YARS1: variants seen among roughly 807,000 people sequenced by gnomAD.
The protein encoded by YARS1 is tyrosine--tRNA ligase, cytoplasmic.
A neutral mutation model predicts 62.2 loss-of-function variants in YARS1; 36 were observed. That is an observed-to-expected ratio of 0.58 (90% confidence interval 0.44 to 0.76). The LOEUF is 0.76. Ranked by LOEUF, YARS1 falls within the 30% of genes least tolerant of loss-of-function variation. YARS1 has a pLI of 0.00. For synonymous variants in YARS1, 234 were observed against 244.9 expected, an observed-to-expected ratio of 0.96 and a Z score of 0.42; for missense variants, 524 against 639.8, an observed-to-expected ratio of 0.82 and a Z score of 1.95.
rs145242872 is a variant in YARS1 at position 32,776,065 on chromosome 1, G to A, written c.1503C>T (p.Cys501=). ...AGTTGGTTTGCTTCCACTGTGCGAT[G>A]CACTCCTCAGAAATTTTGAAGTCAG... ...LQADFKISEE[C]IAQWKQTNFM... Residue 501 remains cysteine (C), a synonymous_variant, in exon 13 of 13, where the codon TGC becomes TGT. Coordinates refer to ENST00000373477, the MANE Select transcript of YARS1 (RefSeq NM_003680.4). The surrounding 1 kb of genome is among the most constrained non-coding windows in gnomAD (Gnocchi z 4.0). The A allele has an allele frequency of 5.6e-6, 9 of 1,613,966 alleles. No homozygotes were observed. Among genetic ancestry groups the A allele is most frequent in the Non-Finnish European group, 7.6e-6 (9 of 1,180,014 alleles).
At chr1:32,815,865 T>TG (rs1487122882) in intron 1 of YARS1, among the ~76,000 whole-genome samples, 12 of 152,112 alleles carry the variant, frequency 7.9e-5, no homozygotes, top group African/African-American at 1.4e-4. Context: ...ATCCCAGCAC[T>TG]CTGGGAGGCC....
intron 4 of YARS1, among the ~76,000 whole-genome samples, chr1:32,805,684 G>A (rs1030601144): frequency 2.0e-5 from 3 of 151,190 alleles, no homozygotes; most frequent in East Asian, 1.9e-4. Context: ...ATGTGCGGCC[G>A]GGCACGGTAG....
chr1:32,776,836 G>GA lies in YARS1; in HGVS notation c.1477-746_1477-745insT, dbSNP rs1384376582. Reference sequence around the variant, plus strand: ...AAAAAATTAGCCGGGTGTGGTGGTGGGGCGCCTGTAGTCCCAGCTACTCAG... The same window carrying GA: ...AAAAAATTAGCCGGGTGTGGTGGTGGAGGCGCCTGTAGTCCCAGCTACTCAG... On this transcript the variant is annotated intron_variant, in intron 12 of 12. Transcript: ENST00000373477. The surrounding 1 kb of genome is among the most constrained non-coding windows in gnomAD (Gnocchi z 4.0). Among the ~76,000 whole-genome samples the GA allele has an allele frequency of 6.6e-6, 1 of 151,860 alleles. No individual in the cohort carries two copies. Among genetic ancestry groups the GA allele is most frequent in the African/African-American group, 2.4e-5 (1 of 41,390 alleles).
chr1:32,779,661 CTCT>C, intron 11 of YARS1, 138 bp from the exon 12 acceptor site: 1 of 1,119,752 alleles, frequency 8.9e-7, no homozygotes, highest in Non-Finnish European at 1.3e-6. Flanking sequence ...CCAGGAGGTC[CTCT>C]TATCTTGCTA....
intron 4 of YARS1, among the ~76,000 whole-genome samples, chr1:32,801,934 TGTTA>T (rs1638304432): frequency 6.7e-6 from 1 of 149,482 alleles, no homozygotes; most frequent in Non-Finnish European, 1.5e-5. Flanking sequence ...GTAGTTCTCT[TGTTA>T]TTTCTTTTTT....
intron 6 of YARS1, among the ~76,000 whole-genome samples, chr1:32,787,286 T>A (rs785416): frequency 4.6e-5 from 7 of 152,112 alleles, no homozygotes. Flanking sequence ...TGTGTCACCA[T>A]GCCCAGGTAA....
At chr1:32,796,658 T>A (rs1236691511) in intron 5 of YARS1, among the ~76,000 whole-genome samples, 2 of 151,786 alleles carry the variant, frequency 1.3e-5, no homozygotes, top group African/African-American at 4.8e-5. Context: ...CCACAGTGCC[T>A]GGCCCTCAAA....
At chr1:32,810,332 C>T (rs1569776726) in intron 3 of YARS1, among the ~76,000 whole-genome samples, 1 of 152,156 alleles carries the variant, frequency 6.6e-6, no homozygotes, top group African/African-American at 2.4e-5. Flanking sequence ...GCTGTGAGTT[C>T]TGCAAGGCCA....
Position 32,775,967 on chromosome 1 carries a change from A to C in YARS1, c.*14T>G, listed in dbSNP as rs1188754782. On this transcript the variant is annotated 3_prime_UTR_variant, in exon 13 of 13. Coordinates refer to ENST00000373477, the MANE Select transcript of YARS1 (RefSeq NM_003680.4). Reference sequence around the variant, plus strand: ...GACTCAGTGGTGGAAGAAGGGGGGAAGATGCTGGGCTGGCTAGCTAATGTT... The same window carrying C: ...GACTCAGTGGTGGAAGAAGGGGGGACGATGCTGGGCTGGCTAGCTAATGTT... The C allele has an allele frequency of 6.2e-7, 1 of 1,601,840 alleles. No individual in the cohort carries two copies. Among genetic ancestry groups the C allele is most frequent in the Non-Finnish European group, 8.6e-7 (1 of 1,169,080 alleles).
Position 32,803,523 on chromosome 1 carries a change from CAA to C in YARS1, c.510+2957_510+2958del, listed in dbSNP as rs549913435. Among the ~76,000 whole-genome samples, 408 of 152,286 alleles carry C rather than the reference CAA, an allele frequency of 2.7e-3. 4 individuals are homozygous for C. The highest frequency in any genetic ancestry group is 9.0e-3 in the African/African-American group (374 of 41,564). ...AGTCACCAGCTGCATTAGCTCCTAA[CAA>C]GAGAGTCAGCCTGTCCTTTGAAGAT... On this transcript the variant is annotated intron_variant, in intron 4 of 12. Coordinates refer to ENST00000373477, the MANE Select transcript of YARS1 (RefSeq NM_003680.4).
chr1:32,777,025 C>T lies in YARS1; in HGVS notation c.1477-934G>A, dbSNP rs532505576. Among the ~76,000 whole-genome samples, 43 of 148,410 alleles carry T rather than the reference C, an allele frequency of 2.9e-4. No homozygotes were observed. In the South Asian group the frequency reaches 9.0e-3, roughly 31 times the overall value. On this transcript the variant is annotated intron_variant, in intron 12 of 12. Transcript: ENST00000373477. ...TATGGTAGAATACTATACAGTGCAA[C>T]CCCTCAATTTTTTTTTTTTTTGGGA...
At chr1:32,787,262 T>TGGGACTACA (rs1320819956) in intron 6 of YARS1, among the ~76,000 whole-genome samples, 187 bp from the exon 7 acceptor site, 1 of 152,092 alleles carries the variant, frequency 6.6e-6, no homozygotes, top group Non-Finnish European at 1.5e-5. Context: ...CCTGGAAAGC[T>TGGGACTACA]GGGACTACAG....
At chr1:32,805,617 T>C (rs1276686463) in intron 4 of YARS1, among the ~76,000 whole-genome samples, 1 of 152,190 alleles carries the variant, frequency 6.6e-6, no homozygotes, top group Non-Finnish European at 1.5e-5. Flanking sequence ...GCCTCCGCTT[T>C]TGACATTCCT....
rs569757274 is a variant in YARS1, at chr1:32,786,671, T to C, written c.821-224A>G. 4.2e-5 allele frequency: 29 copies of C among 694,830 alleles called. No individual in the cohort carries two copies. The African/African-American group carries it at 5.0e-4, about 12-fold the overall frequency. The allele number at this position is 694,830 out of a possible 1,614,324, so 43.0% of individuals were successfully genotyped here. On this transcript the variant is annotated intron_variant, in intron 7 of 12. Coordinates refer to ENST00000373477, the MANE Select transcript of YARS1 (RefSeq NM_003680.4). ...CTTGTGGCTTATATCTATTTTGTTG[T>C]ATTCCTCTAGTTCAACATGTCTGCC...
chr1:32,775,701 T>C lies in YARS1; in HGVS notation c.*280A>G, dbSNP rs1197906508. The C allele has an allele frequency of 1.9e-5, 10 of 519,408 alleles. No individual in the cohort carries two copies. Among genetic ancestry groups the C allele is most frequent in the Admixed American group, 1.6e-4 (5 of 31,298 alleles). The allele number at this position is 519,408 out of a possible 1,614,324, so 32.2% of individuals were successfully genotyped here. On this transcript the variant is annotated 3_prime_UTR_variant, in exon 13 of 13. Coordinates refer to ENST00000373477, the MANE Select transcript of YARS1 (RefSeq NM_003680.4). ...GGCATAAATTTTTAAATGAGTTATA[T>C]TGAAACCAGATTTCTCCAGCTGCCA...
rs193127040 is a variant in YARS1 at position 32,788,677 on chromosome 1, C to T, written c.685-1602G>A. 3.5e-4 allele frequency among the ~76,000 whole-genome samples: 54 copies of T among 152,184 alleles called. No individual in the cohort carries two copies. In the South Asian group the frequency reaches 8.3e-3, roughly 23 times the overall value. On this transcript the variant is annotated intron_variant, in intron 6 of 12. Coordinates refer to ENST00000373477, the MANE Select transcript of YARS1 (RefSeq NM_003680.4). ...AACTCCCGACCTTAGGTGATTCACC[C>T]GCCTTGGCCTCCCAAAGTGCTGGGA... is the stretch of plus-strand genomic sequence containing the variant.
intron 9 of YARS1, 188 bp downstream of exon 9, chr1:32,782,216 C>T: frequency 2.3e-6 from 2 of 867,314 alleles, no homozygotes; most frequent in African/African-American, 1.7e-5. Flanking sequence ...GATGTGATCA[C>T]TTCCTGATGT....
chr1:32,796,364 CTTTTT>C (rs1031391068), intron 5 of YARS1, among the ~76,000 whole-genome samples: 1 of 145,894 alleles, frequency 6.9e-6, no homozygotes, highest in Non-Finnish European at 1.5e-5. Context: ...TTATTTTTTT[CTTTTT>C]TGTTTTTTTT....
intron 4 of YARS1, among the ~76,000 whole-genome samples, chr1:32,802,240 C>A (rs1358435923): frequency 6.6e-6 from 1 of 152,170 alleles, no homozygotes; most frequent in East Asian, 1.9e-4. Flanking sequence ...AGCCACCGCG[C>A]CCGGCCTGTT....
Sources: gnomAD v4.1 joint callset for allele counts (sites outside exome capture counted in the v4.1 genomes callset) on GRCh38, gnomAD v4.1.1 for gene constraint, Gnocchi (gnomAD v3.1) non-coding constraint, MANE v1.5 for transcripts, NCBI Gene and HGNC (gene_info 2026-07-23, HGNC 2026-07-21) for gene names.